DNAH7: variants seen among roughly 807,000 people sequenced by gnomAD.
DNAH7 encodes axonemal beta dynein heavy chain 7.
DNAH7 carries 397 observed loss-of-function variants against 444.6 expected under a neutral mutation model. The ratio of observed to expected loss-of-function variants is 0.89; its 90% CI spans 0.82 to 0.97. DNAH7 has a LOEUF of 0.97. Among genes scored for constraint, DNAH7 ranks in the 50% least tolerant of loss-of-function variants. DNAH7 has a pLI of 0.00. For missense variants in DNAH7, 4,902 were observed against 4,800.8 expected, an observed-to-expected ratio of 1.02 and a Z score of -0.62; for synonymous variants, 1,636 against 1,624.4, an observed-to-expected ratio of 1.01 and a Z score of -0.17.
At chr2:195,814,420 G>C (rs1697125561) in intron 51 of DNAH7, among the ~76,000 whole-genome samples, 1 of 152,154 alleles carries the variant, frequency 6.6e-6, no homozygotes, top group East Asian at 1.9e-4. Flanking sequence ...CAAAAGCACA[G>C]TAATGAAGAA....
intron 24 of DNAH7, among the ~76,000 whole-genome samples, chr2:195,911,572 C>T (rs1266903025): frequency 6.6e-6 from 1 of 151,770 alleles, no homozygotes; most frequent in Non-Finnish European, 1.5e-5. Flanking sequence ...TTACAGTGAA[C>T]ATCAACAATA....
chr2:195,782,609 C>T (rs1345666354), intron 58 of DNAH7, among the ~76,000 whole-genome samples: 2 of 151,902 alleles, frequency 1.3e-5, no homozygotes, highest in Admixed American at 1.3e-4. Context: ...CAAAAAAAAT[C>T]GTATTATTTC....
chr2:195,794,653 T>C, intron 56 of DNAH7, 115 bp from the exon 57 acceptor site: 1 of 925,130 alleles, frequency 1.1e-6, no homozygotes, highest in Non-Finnish European at 1.7e-6. Context: ...AAAGTAGAAA[T>C]GTAACTGCTG....
chr2:195,786,862 A>C (rs2105973276), intron 58 of DNAH7, 148 bp downstream of exon 58: 2 of 717,916 alleles, frequency 2.8e-6, no homozygotes, highest in Non-Finnish European at 4.2e-6. Context: ...CTATTACAAT[A>C]AAGTACTACT....
chr2:195,852,943 GAGAGAC>G lies in DNAH7; in HGVS notation c.8781+394_8781+399del, dbSNP rs1278331429. 5.6e-4 allele frequency among the ~76,000 whole-genome samples: 84 copies of G among 149,536 alleles called. 1 individual carries two copies. Among genetic ancestry groups the G allele is most frequent in the African/African-American group, 1.4e-3 (58 of 40,454 alleles). ...AGAGAGAGAGAGAGAGAGAGAGAGA[GAGAGAC>G]AGAGTTCTGATACCTTTTTACAGTA... On this transcript the variant is annotated intron_variant, in intron 46 of 64. Transcript: ENST00000312428.
chr2:195,747,206 G>A (rs1198506173), intron 63 of DNAH7, among the ~76,000 whole-genome samples: 3 of 151,962 alleles, frequency 2.0e-5, no homozygotes, highest in Admixed American at 1.3e-4. Context: ...TACCATCAGA[G>A]AATACTACAA....
At chr2:195,982,282 T>C (rs545363742) in intron 15 of DNAH7, among the ~76,000 whole-genome samples, 1 of 152,204 alleles carries the variant, frequency 6.6e-6, no homozygotes. Flanking sequence ...CAATGACATA[T>C]CATTTCACTC....
At chr2:195,982,098 T>C (rs535015386) in intron 15 of DNAH7, among the ~76,000 whole-genome samples, 3 of 152,200 alleles carry the variant, frequency 2.0e-5, no homozygotes, top group South Asian at 4.1e-4. Context: ...AACTATACTA[T>C]TGCAGCACTA....
intron 28 of DNAH7, among the ~76,000 whole-genome samples, chr2:195,899,777 C>T (rs1279006584): frequency 6.6e-6 from 1 of 152,134 alleles, no homozygotes. Context: ...ACAATATACT[C>T]TCAATGAAAA....
At position 195,988,059 on chromosome 2, in the gene DNAH7, A is replaced by ATC. The variant is rs779996995; in HGVS notation, c.1522_1523dup (p.Asp508GlufsTer16). Reference sequence around the variant, plus strand: ...GATTTTCTGCGAGGAAGTTATCAACATCTCGCTCAGCTTTTCTGGTAATTA... The same window carrying ATC: ...GATTTTCTGCGAGGAAGTTATCAACATCTCTCGCTCAGCTTTTCTGGTAATTA... On this transcript the variant is annotated frameshift_variant, in exon 13 of 65. Coordinates refer to ENST00000312428, the MANE Select transcript of DNAH7 (RefSeq NM_018897.3). LOFTEE classifies it high-confidence loss of function. The ATC allele has an allele frequency of 3.7e-6, 6 of 1,613,534 alleles. No homozygotes were observed. In the South Asian group the frequency reaches 6.6e-5, roughly 18 times the overall value.
At chr2:195,990,000 T>C (rs1477730991) in intron 12 of DNAH7, among the ~76,000 whole-genome samples, 1 of 152,226 alleles carries the variant, frequency 6.6e-6, no homozygotes, top group Non-Finnish European at 1.5e-5. Context: ...CTGTCACAGA[T>C]GTACAGTTTG....
At chr2:195,824,073 T>A (rs1463792054) in intron 49 of DNAH7, among the ~76,000 whole-genome samples, 182 bp downstream of exon 49, 1 of 152,184 alleles carries the variant, frequency 6.6e-6, no homozygotes, top group Non-Finnish European at 1.5e-5. Context: ...AAGTTTCCTT[T>A]ATTACTTACA....
intron 40 of DNAH7, among the ~76,000 whole-genome samples, chr2:195,869,836 C>A (rs938553178): frequency 6.6e-6 from 1 of 152,130 alleles, no homozygotes; most frequent in Admixed American, 6.6e-5. Flanking sequence ...GGTGCTAATA[C>A]AAGGTTTTGA....
chr2:195,887,184 T>C (rs1701757098), intron 33 of DNAH7, among the ~76,000 whole-genome samples: 1 of 148,324 alleles, frequency 6.7e-6, no homozygotes, highest in Non-Finnish European at 1.5e-5. Flanking sequence ...AGTGTCATGC[T>C]TTCCTATAGA....
intron 63 of DNAH7, among the ~76,000 whole-genome samples, chr2:195,746,458 A>G (rs1407320374): frequency 6.6e-6 from 1 of 152,228 alleles, no homozygotes; most frequent in Non-Finnish European, 1.5e-5. Context: ...GTTAACAAGG[A>G]TATCCAGGAA....
At chr2:195,950,850 T>TAAAAA (rs1690180977) in intron 19 of DNAH7, among the ~76,000 whole-genome samples, 1 of 6,810 alleles carries the variant, frequency 1.5e-4, no homozygotes, top group African/African-American at 3.5e-4. Context: ...GGACTCTGTC[T>TAAAAA]CAAAAAAAAA....
intron 47 of DNAH7, among the ~76,000 whole-genome samples, chr2:195,840,215 T>G (rs138921095): frequency 6.6e-6 from 1 of 151,790 alleles, no homozygotes; most frequent in Non-Finnish European, 1.5e-5. Context: ...CAAAAATCAA[T>G]CGGTACAATT....
At chr2:195,797,764 C>T (rs1031031615) in intron 55 of DNAH7, among the ~76,000 whole-genome samples, 3 of 152,146 alleles carry the variant, frequency 2.0e-5, no homozygotes, top group African/African-American at 7.2e-5. Context: ...AATTATAGGT[C>T]AGATCATGTC....
At chr2:195,845,613 T>C (rs570770412) in intron 46 of DNAH7, among the ~76,000 whole-genome samples, 40 of 152,204 alleles carry the variant, frequency 2.6e-4, no homozygotes, top group Non-Finnish European at 4.7e-4. Context: ...GACTTTGAAC[T>C]ATACTACAAG....
Sources: gnomAD v4.1 joint callset for allele counts (sites outside exome capture counted in the v4.1 genomes callset) on GRCh38, gnomAD v4.1.1 for gene constraint, MANE v1.5 for transcripts, NCBI Gene and HGNC (gene_info 2026-07-23, HGNC 2026-07-21) for gene names.